Variants in LIN54 observed in about 807,000 individuals in gnomAD.
LIN54 encodes protein lin-54 homolog.
Under a neutral mutation model 78.7 loss-of-function variants are expected in LIN54, and 9 were observed. The observed-to-expected ratio is 0.11, with a 90% CI of 0.07 to 0.20. The LOEUF (loss-of-function observed/expected upper bound fraction) is 0.20. Among genes scored for constraint, LIN54 ranks in the 10% least tolerant of loss-of-function variants. LIN54 has a pLI of 1.00. For missense variants in LIN54, 573 were observed against 889.9 expected, an observed-to-expected ratio of 0.64 and a Z score of 4.53; for synonymous variants, 269 against 318.4, an observed-to-expected ratio of 0.84 and a Z score of 1.65.
At chr4:82,977,094 G>A (rs8180266) in intron 3 of LIN54, among the ~76,000 whole-genome samples, 2 of 152,108 alleles carry the variant, frequency 1.3e-5, no homozygotes, top group Non-Finnish European at 2.9e-5. Context: ...AATTCATTCA[G>A]ACACTTCCGC....
At chr4:82,972,281 T>C (rs567250411) in intron 3 of LIN54, among the ~76,000 whole-genome samples, 121 of 152,252 alleles carry the variant, frequency 7.9e-4, no homozygotes, top group South Asian at 5.4e-3. Flanking sequence ...TGGCACAGTT[T>C]CTTTTTTAAA....
intron 4 of LIN54, among the ~76,000 whole-genome samples, chr4:82,964,881 A>G (rs1725079107): frequency 6.6e-6 from 1 of 152,092 alleles, no homozygotes; most frequent in Non-Finnish European, 1.5e-5. Context: ...GCATGGTGGC[A>G]TAGCTACTGG....
intron 1 of LIN54, among the ~76,000 whole-genome samples, chr4:82,991,444 A>T (rs7691339): frequency 6.6e-6 from 1 of 152,014 alleles, no homozygotes. Context: ...AGATGACTTA[A>T]GATTTTCTAT....
chr4:83,012,163 C>T (rs1472205903), upstream of LIN54: 1 of 415,338 alleles, frequency 2.4e-6, no homozygotes, highest in Non-Finnish European at 3.2e-6. Flanking sequence ...CATCTTTAAA[C>T]TTCATTTCCC....
chr4:83,005,745 G>A (rs968973264), intron 1 of LIN54, among the ~76,000 whole-genome samples: 1 of 152,010 alleles, frequency 6.6e-6, no homozygotes, highest in Non-Finnish European at 1.5e-5. Flanking sequence ...ATTTCTAAAA[G>A]AATTTGACCA....
At chr4:83,007,117 G>A (rs1293105046) in intron 1 of LIN54, among the ~76,000 whole-genome samples, 1 of 151,898 alleles carries the variant, frequency 6.6e-6, no homozygotes, top group Admixed American at 6.6e-5. Flanking sequence ...TCCAGCCTGG[G>A]CAACAGAGTG....
chr4:82,988,140 A>G (rs1727334227), intron 1 of LIN54, among the ~76,000 whole-genome samples: 1 of 151,964 alleles, frequency 6.6e-6, no homozygotes, highest in Non-Finnish European at 1.5e-5. Context: ...AATGATGTTG[A>G]GCTTTTTTTC....
At chr4:82,955,565 T>C (rs930593147) in intron 4 of LIN54, among the ~76,000 whole-genome samples, 3 of 152,168 alleles carry the variant, frequency 2.0e-5, no homozygotes, top group Admixed American at 6.5e-5. Context: ...TGGATCTCAA[T>C]TCAAACGTAG....
chr4:82,952,268 C>T (rs146529208), intron 4 of LIN54, among the ~76,000 whole-genome samples: 382 of 152,152 alleles, frequency 2.5e-3, no homozygotes, highest in African/African-American at 8.4e-3. Flanking sequence ...AACTCCTAAA[C>T]GTAATAACAA....
At chr4:82,947,750 G>A (rs1416361777) in intron 4 of LIN54, among the ~76,000 whole-genome samples, 3 of 151,924 alleles carry the variant, frequency 2.0e-5, no homozygotes, top group African/African-American at 7.3e-5. Flanking sequence ...CAATGCAAAG[G>A]ATCAAAGAGT....
At chr4:82,980,414 T>C (rs4693067) in intron 2 of LIN54, among the ~76,000 whole-genome samples, 97,102 of 151,628 alleles carry the variant, frequency 0.64, 33,029 homozygotes, top group Admixed American at 0.76. Context: ...ACACCGGAAG[T>C]TATGATAGAT....
chr4:82,939,356 A>G (rs1486934753), intron 7 of LIN54, among the ~76,000 whole-genome samples, 183 bp downstream of exon 7: 1 of 152,226 alleles, frequency 6.6e-6, no homozygotes, highest in Non-Finnish European at 1.5e-5. Context: ...CCTGTGTTAT[A>G]TATTTCTAAA....
intron 5 of LIN54, 138 bp from the exon 6 acceptor site, chr4:82,940,100 C>G: frequency 1.5e-6 from 1 of 662,812 alleles, no homozygotes; most frequent in East Asian, 2.7e-5. Flanking sequence ...TTTGAGCAAT[C>G]TTTAATCAGG....
chr4:82,990,802 T>A (rs1173196594), intron 1 of LIN54, among the ~76,000 whole-genome samples: 1 of 152,136 alleles, frequency 6.6e-6, no homozygotes, highest in Non-Finnish European at 1.5e-5. Flanking sequence ...AAATCTTTTA[T>A]AACGGGCCAA....
At chr4:82,938,553 A>G in intron 7 of LIN54, 49 bp from the exon 8 acceptor site, 1 of 1,006,464 alleles carries the variant, frequency 9.9e-7, no homozygotes, top group Non-Finnish European at 1.6e-6. Flanking sequence ...AAAATGGACA[A>G]TACTGTCAGG....
rs751336870 is a variant in LIN54 at position 82,939,974 on chromosome 4, AC to A, written c.1169-13del. The A allele has an allele frequency of 4.9e-4, 778 of 1,576,246 alleles. 5 individuals are homozygous for A. The Middle Eastern group carries it at 8.0e-3, about 16-fold the overall frequency. ...AACCACTGGCTTTGCTTTTTAAAAA[AC>A]AAAAGAAGGATGAACAAGTTATTTA... On this transcript the variant is annotated splice_polypyrimidine_tract_variant and intron_variant, in intron 5 of 12. Transcript: ENST00000340417.
At chr4:82,937,613 A>C (rs1165263813) in intron 8 of LIN54, among the ~76,000 whole-genome samples, 2 of 152,212 alleles carry the variant, frequency 1.3e-5, no homozygotes, top group African/African-American at 4.8e-5. Context: ...AACACTCCAC[A>C]AACACTGTCC....
chr4:82,937,950 G>A (rs185855075), intron 8 of LIN54, among the ~76,000 whole-genome samples: 104 of 152,284 alleles, frequency 6.8e-4, no homozygotes, highest in African/African-American at 2.4e-3. Flanking sequence ...GGGCAATATA[G>A]TGAGACCGCA....
chr4:82,945,445 A>C (rs1723278169), intron 5 of LIN54, among the ~76,000 whole-genome samples: 2 of 152,178 alleles, frequency 1.3e-5, no homozygotes. Context: ...AAGGACAACA[A>C]ACAGGAATAT....
Sources: gnomAD v4.1 joint callset for allele counts (sites outside exome capture counted in the v4.1 genomes callset) on GRCh38, gnomAD v4.1.1 for gene constraint, MANE v1.5 for transcripts, NCBI Gene and HGNC (gene_info 2026-07-23, HGNC 2026-07-21) for gene names.